Variants in CACNA2D1 observed in about 807,000 individuals in gnomAD.
The protein encoded by CACNA2D1 is voltage-dependent calcium channel subunit alpha-2/delta-1.
CACNA2D1 carries 53 observed loss-of-function variants against 171.5 expected under a neutral mutation model. The ratio of observed to expected loss-of-function variants is 0.31; its 90% confidence interval spans 0.25 to 0.39. The LOEUF is 0.39. CACNA2D1 is among the 10% of genes least tolerant of loss of function. The probability of loss-of-function intolerance (pLI) is 1.00; values close to 1 mark genes in which losing one functional copy is unlikely to be tolerated. For synonymous variants in CACNA2D1, 442 were observed against 443.1 expected, an observed-to-expected ratio of 1.00 and a Z score of 0.03; for missense variants, 903 against 1,299.8, an observed-to-expected ratio of 0.69 and a Z score of 4.69.
At chr7:82,174,425 G>GT (rs1796359561) in intron 3 of CACNA2D1, among the ~76,000 whole-genome samples, 3 of 151,976 alleles carry the variant, frequency 2.0e-5, no homozygotes, top group Non-Finnish European at 4.4e-5. Flanking sequence ...TTTATAAAAA[G>GT]TAATAGATGT....
At chr7:82,366,344 G>C (rs4236668) in intron 1 of CACNA2D1, among the ~76,000 whole-genome samples, 94,548 of 151,892 alleles carry the variant, frequency 0.62, 30,018 homozygotes, top group Middle Eastern at 0.73. Context: ...GAACATAATA[G>C]CCAATAGGCG....
At chr7:82,377,407 AG>A in intron 1 of CACNA2D1, among the ~76,000 whole-genome samples, 1 of 152,324 alleles carries the variant, frequency 6.6e-6, no homozygotes, top group East Asian at 1.9e-4. Context: ...GAGCTAGTAT[AG>A]CCACTATAAC....
At chr7:82,429,042 A>C (rs955501500) in intron 1 of CACNA2D1, among the ~76,000 whole-genome samples, 15 of 152,196 alleles carry the variant, frequency 9.9e-5, no homozygotes, top group African/African-American at 3.6e-4. Flanking sequence ...AAAGTAAAAT[A>C]ATCAGCAGTT....
rs754903507 is a variant in CACNA2D1, at chr7:82,335,119, T to C, written c.294+16A>G. On this transcript the variant is annotated intron_variant, in intron 3 of 38. Coordinates refer to ENST00000356860, the MANE Select transcript of CACNA2D1 (RefSeq NM_000722.4). Reference sequence around the variant, plus strand: ...TAAGGAAAATAATAAAATGAGCAGATCCAATTTAAACTCACCACCAGGGCT... The same window carrying C: ...TAAGGAAAATAATAAAATGAGCAGACCCAATTTAAACTCACCACCAGGGCT... 4.9e-6 allele frequency: 7 copies of C among 1,424,906 alleles called. No homozygotes were observed. Among genetic ancestry groups the C allele is most frequent in the Non-Finnish European group, 4.0e-6 (4 of 1,007,586 alleles). 88.3% of individuals were successfully genotyped at this position (1,424,906 alleles called of 1,614,324 possible).
intron 6 of CACNA2D1, among the ~76,000 whole-genome samples, chr7:82,098,001 C>G (rs555357413): frequency 2.7e-4 from 41 of 152,186 alleles, no homozygotes; most frequent in East Asian, 5.8e-4. Context: ...ATAGTCCCAG[C>G]TACTTGGGAG....
At chr7:81,981,758 T>C (rs1178319022) in intron 24 of CACNA2D1, among the ~76,000 whole-genome samples, 1 of 151,824 alleles carries the variant, frequency 6.6e-6, no homozygotes, top group African/African-American at 2.4e-5. Context: ...ACAAGAAAAC[T>C]GAGATGGAGA....
intron 1 of CACNA2D1, among the ~76,000 whole-genome samples, chr7:82,438,028 A>G (rs924022416): frequency 3.3e-5 from 5 of 152,144 alleles, no homozygotes; most frequent in African/African-American, 4.8e-5. Flanking sequence ...CACTTGTTTA[A>G]AAGACAGCAA....
At chr7:82,321,044 G>C (rs1345047905) in intron 3 of CACNA2D1, among the ~76,000 whole-genome samples, 1 of 151,470 alleles carries the variant, frequency 6.6e-6, no homozygotes, top group Non-Finnish European at 1.5e-5. Flanking sequence ...GCACATTGTT[G>C]AAAAGCACAG....
intron 7 of CACNA2D1, among the ~76,000 whole-genome samples, chr7:82,079,027 A>C (rs1187934770): frequency 2.0e-5 from 3 of 152,242 alleles, no homozygotes; most frequent in African/African-American, 7.2e-5. Flanking sequence ...AAGGACAGAC[A>C]TTAAGAGTTT....
Position 81,950,523 on chromosome 7 carries a change from A to AAAAG in CACNA2D1, c.3160-19_3160-16dup. 6.2e-7 allele frequency: 1 copy of AAAAG among 1,601,916 alleles called. No homozygotes were observed. Among genetic ancestry groups the AAAAG allele is most frequent in the Non-Finnish European group, 8.5e-7 (1 of 1,174,380 alleles). On this transcript the variant is annotated splice_polypyrimidine_tract_variant and intron_variant, in intron 38 of 38. Coordinates refer to ENST00000356860, the MANE Select transcript of CACNA2D1 (RefSeq NM_000722.4). ...GTATAATCCTCCTGTTGTTAAAAAA[A>AAAAG]AAAGAAAAGAACAGAAAAAGAAAAA...
chr7:82,360,965 C>CT (rs1253049038), intron 1 of CACNA2D1, among the ~76,000 whole-genome samples: 1 of 152,162 alleles, frequency 6.6e-6, no homozygotes, highest in African/African-American at 2.4e-5. Flanking sequence ...CCATCTTCAA[C>CT]TTTTTTATTT....
At chr7:82,190,875 G>A (rs1451671273) in intron 3 of CACNA2D1, among the ~76,000 whole-genome samples, 1 of 151,426 alleles carries the variant, frequency 6.6e-6, no homozygotes, top group Admixed American at 6.6e-5. Flanking sequence ...AAGTCAACAG[G>A]AGCCATCAAA....
intron 3 of CACNA2D1, among the ~76,000 whole-genome samples, chr7:82,320,582 T>A (rs1656585794): frequency 6.7e-6 from 1 of 149,668 alleles, no homozygotes; most frequent in African/African-American, 2.4e-5. Context: ...TGGCTAATTT[T>A]TTTTTTTTTT....
At chr7:81,993,646 C>T (rs1431951110) in intron 20 of CACNA2D1, among the ~76,000 whole-genome samples, 5 of 151,990 alleles carry the variant, frequency 3.3e-5, no homozygotes, top group African/African-American at 9.7e-5. Flanking sequence ...TATAGTCATT[C>T]ATAGAATAAA....
intron 24 of CACNA2D1, among the ~76,000 whole-genome samples, chr7:81,974,842 T>C (rs1795667250): frequency 6.6e-6 from 1 of 151,854 alleles, no homozygotes; most frequent in Non-Finnish European, 1.5e-5. Context: ...GAGTCTCATA[T>C]AGCAATTAAA....
rs371085339 is a variant in CACNA2D1 at position 82,406,926 on chromosome 7, T to C, written c.95+36439A>G. Among the ~76,000 whole-genome samples, 8 of 152,354 alleles carry C rather than the reference T, an allele frequency of 5.3e-5. No individual in the cohort carries two copies. In the South Asian group the frequency reaches 1.4e-3, roughly 28 times the overall value. ...TCCCAAAAAATAAATATTCAATAAC[T>C]ATAATGAATCAATGTATGTTTTAGT... On this transcript the variant is annotated intron_variant, in intron 1 of 38. Coordinates refer to ENST00000356860, the MANE Select transcript of CACNA2D1 (RefSeq NM_000722.4).
chr7:82,107,245 T>G (rs1443563719), intron 6 of CACNA2D1, among the ~76,000 whole-genome samples: 1 of 152,038 alleles, frequency 6.6e-6, no homozygotes, highest in Non-Finnish European at 1.5e-5. Context: ...CCCAGGGCCA[T>G]GGAAGGAATG....
chr7:81,979,939 G>C (rs1026824544), intron 24 of CACNA2D1, among the ~76,000 whole-genome samples: 1 of 151,844 alleles, frequency 6.6e-6, no homozygotes, highest in Non-Finnish European at 1.5e-5. Context: ...CACAGTCATG[G>C]TCTGTTGAGG....
rs1180532116 is a variant in CACNA2D1, at chr7:82,233,675, CT to C, written c.295-63067del. On this transcript the variant is annotated intron_variant, in intron 3 of 38. Coordinates refer to ENST00000356860, the MANE Select transcript of CACNA2D1 (RefSeq NM_000722.4). ...TCAGTTGGCGCATACTATACAGGAC[CT>C]TTTTTTTTCCCCACTCTTACAACCA... Among the ~76,000 whole-genome samples the C allele has an allele frequency of 9.9e-5, 15 of 151,416 alleles. No homozygotes were observed. In the South Asian group the frequency reaches 2.5e-3, roughly 25 times the overall value.
Sources: allele counts gnomAD v4.1 joint callset (sites outside exome capture counted in the v4.1 genomes callset), GRCh38; gene constraint gnomAD v4.1.1; transcripts MANE v1.5; gene names NCBI Gene and HGNC (gene_info 2026-07-23, HGNC 2026-07-21).